The following PLPPR1 variants were observed in gnomAD, a reference collection of about 807,000 sequenced individuals.
PLPPR1 encodes the protein phospholipid phosphatase related 1, also known as phospholipid phosphatase-related protein type 1.
Under a neutral mutation model 33.1 loss-of-function variants are expected in PLPPR1, and 10 were observed. The observed-to-expected ratio is 0.30, with a 90% confidence interval of 0.19 to 0.51. The LOEUF is 0.51. PLPPR1 is among the 20% of genes least tolerant of loss of function. PLPPR1 has a pLI of 0.97. For missense variants in PLPPR1, 304 were observed against 408.1 expected (o/e 0.74, Z 2.20); for synonymous variants, 151 against 151.0 (o/e 1.00, Z 0.00).
At chr9:101,250,853 A>G (rs1469754149) in intron 2 of PLPPR1, among the ~76,000 whole-genome samples, 1 of 152,010 alleles carries the variant, frequency 6.6e-6, no homozygotes, top group Non-Finnish European at 1.5e-5. Flanking sequence ...AGCCATCCTC[A>G]CTGACACCAC....
chr9:101,168,313 T>C (rs1825890153), intron 1 of PLPPR1, among the ~76,000 whole-genome samples: 1 of 152,118 alleles, frequency 6.6e-6, no homozygotes, highest in Admixed American at 6.6e-5. Flanking sequence ...CAGTGCTACT[T>C]TCCTTGGTGT....
intron 3 of PLPPR1, among the ~76,000 whole-genome samples, chr9:101,285,351 A>G (rs1200799408): frequency 6.6e-6 from 1 of 152,210 alleles, no homozygotes; most frequent in African/African-American, 2.4e-5. Flanking sequence ...TTTAAAGGGT[A>G]ACATATATTT....
rs1449183688 is a variant in PLPPR1, at chr9:101,324,395, A to AAATG, written c.*338_*339insAATG. 1 of 163,664 alleles carries AAATG rather than the reference A, an allele frequency of 6.1e-6. No homozygotes were observed. The highest frequency in any genetic ancestry group is 1.3e-4 in the East Asian group (1 of 7,578). 10.1% of individuals were successfully genotyped at this position (163,664 alleles called of 1,614,324 possible). ...TTTCTCAGTTTTATAAACACAGAAT[A>AAATG]TAACAATTCACTTTAAACTTTTATT... On this transcript the variant is annotated 3_prime_UTR_variant, in exon 8 of 8. Coordinates refer to ENST00000374874, the MANE Select transcript of PLPPR1 (RefSeq NM_207299.2).
chr9:101,298,727 C>A (rs1828693087), intron 4 of PLPPR1, among the ~76,000 whole-genome samples: 2 of 151,428 alleles, frequency 1.3e-5, no homozygotes, highest in South Asian at 2.1e-4. Context: ...TATGAGTGAA[C>A]CAAATAGAAA....
At chr9:101,160,067 G>C (rs550547517) in intron 1 of PLPPR1, among the ~76,000 whole-genome samples, 8 of 152,170 alleles carry the variant, frequency 5.3e-5, no homozygotes, top group Non-Finnish European at 8.8e-5. Flanking sequence ...AGATGAAAAG[G>C]CCTCTTCAAA....
chr9:101,118,071 A>G (rs1233656195), intron 1 of PLPPR1, among the ~76,000 whole-genome samples: 1 of 152,238 alleles, frequency 6.6e-6, no homozygotes, highest in African/African-American at 2.4e-5. Context: ...AGAAGATAAA[A>G]TAAAATATTC....
intron 1 of PLPPR1, among the ~76,000 whole-genome samples, chr9:101,115,053 C>T (rs552067614): frequency 6.6e-6 from 1 of 152,292 alleles, no homozygotes; most frequent in Admixed American, 6.5e-5. Context: ...GTAACTTCAG[C>T]ATGACACTCT....
chr9:101,165,572 A>T (rs553985023), intron 1 of PLPPR1, among the ~76,000 whole-genome samples: 4 of 152,256 alleles, frequency 2.6e-5, no homozygotes, highest in African/African-American at 9.6e-5. Context: ...TTTAAAAGAG[A>T]TATTTAAAGG....
intron 1 of PLPPR1, among the ~76,000 whole-genome samples, chr9:101,029,525 G>A (rs770977749): frequency 9.9e-5 from 15 of 152,202 alleles, no homozygotes; most frequent in Non-Finnish European, 1.2e-4. Flanking sequence ...CCGGGCGGGG[G>A]TTGAGATTTC....
intron 1 of PLPPR1, among the ~76,000 whole-genome samples, chr9:101,144,069 T>C (rs1160836840): frequency 6.6e-6 from 1 of 152,194 alleles, no homozygotes; most frequent in Non-Finnish European, 1.5e-5. Context: ...ACATATACCA[T>C]GGAATACTAT....
At chr9:101,310,753 T>C (rs1208260158) in intron 5 of PLPPR1, among the ~76,000 whole-genome samples, 1 of 152,236 alleles carries the variant, frequency 6.6e-6, no homozygotes, top group Non-Finnish European at 1.5e-5. Context: ...CAGGAGCAGA[T>C]AGTGCCTTTG....
rs577166223 is a variant in PLPPR1 at position 101,130,186 on chromosome 9, TG to T, written c.-45-55259del. Among the ~76,000 whole-genome samples the T allele has an allele frequency of 9.9e-4, 151 of 152,304 alleles. 1 individual carries two copies. Among genetic ancestry groups the T allele is most frequent in the Non-Finnish European group, 1.7e-3 (113 of 68,020 alleles). Reference sequence around the variant, plus strand: ...ATTTGTCAATTATACCTCATGAAGCTGGGGGAAAAAGCAAAAAAAATTTGTA... The same window carrying T: ...ATTTGTCAATTATACCTCATGAAGCTGGGGAAAAAGCAAAAAAAATTTGTA... On this transcript the variant is annotated intron_variant, in intron 1 of 7. Transcript: ENST00000374874.
chr9:101,204,213 A>T (rs990153818), intron 2 of PLPPR1, among the ~76,000 whole-genome samples: 5 of 152,302 alleles, frequency 3.3e-5, no homozygotes, highest in African/African-American at 1.2e-4. Context: ...TGAAAGGGGT[A>T]GTAGCAACCA....
At chr9:101,230,445 T>C (rs79683811) in intron 2 of PLPPR1, among the ~76,000 whole-genome samples, 205 of 152,228 alleles carry the variant, frequency 1.3e-3, no homozygotes, top group African/African-American at 4.7e-3. Flanking sequence ...AAGTACACGA[T>C]TGCCAAGTTT....
intron 3 of PLPPR1, among the ~76,000 whole-genome samples, chr9:101,275,274 C>T (rs984802371): frequency 5.3e-5 from 8 of 152,198 alleles, no homozygotes; most frequent in Non-Finnish European, 8.8e-5. Flanking sequence ...CACTGCTGCG[C>T]GTCTGCAGAT....
chr9:101,036,480 G>C (rs1830012060), intron 1 of PLPPR1, among the ~76,000 whole-genome samples: 1 of 152,102 alleles, frequency 6.6e-6, no homozygotes, highest in South Asian at 2.1e-4. Context: ...ATCTAGACTA[G>C]TCCTTAATTT....
At chr9:101,122,590 C>T (rs1485403055) in intron 1 of PLPPR1, among the ~76,000 whole-genome samples, 4 of 152,148 alleles carry the variant, frequency 2.6e-5, no homozygotes, top group African/African-American at 4.8e-5. Flanking sequence ...ATATTCCCAA[C>T]GTTATCTGTA....
At chr9:101,269,495 C>T (rs10989461) in intron 2 of PLPPR1, among the ~76,000 whole-genome samples, 4,548 of 152,196 alleles carry the variant, frequency 0.03, 227 homozygotes, top group African/African-American at 0.1. Flanking sequence ...ATGAACAGTT[C>T]TCACATCTAT....
chr9:101,196,332 C>T (rs1159195936), intron 2 of PLPPR1, among the ~76,000 whole-genome samples: 1 of 152,112 alleles, frequency 6.6e-6, no homozygotes, highest in East Asian at 1.9e-4. Context: ...GAGAGAGTAG[C>T]TTGGCAATGT....
Sources: gnomAD v4.1 joint callset for allele counts (sites outside exome capture counted in the v4.1 genomes callset) on GRCh38, gnomAD v4.1.1 for gene constraint, MANE v1.5 for transcripts, NCBI Gene and HGNC (gene_info 2026-07-23, HGNC 2026-07-21) for gene names.